Variants in DCLK1 observed in about 807,000 individuals in gnomAD.
DCLK1 encodes serine/threonine-protein kinase DCLK1.
DCLK1 carries 16 observed loss-of-function variants against 86.2 expected under a neutral mutation model. The observed-to-expected ratio is 0.19, with a 90% confidence interval of 0.13 to 0.28. DCLK1 has a LOEUF of 0.28. DCLK1 is among the 10% of genes least tolerant of loss of function. The pLI, the probability that DCLK1 is intolerant of heterozygous loss-of-function variation, is 1.00. For synonymous variants in DCLK1, 369 were observed against 370.5 expected (o/e 1.00, Z 0.05); for missense variants, 590 against 940.2 (o/e 0.63, Z 4.87).
Position 35,958,111 on chromosome 13 carries a change from T to TCAC in DCLK1, c.724-10657_724-10655dup, listed in dbSNP as rs1239958362. On this transcript the variant is annotated intron_variant, in intron 3 of 16. Coordinates refer to ENST00000360631, the MANE Select transcript of DCLK1 (RefSeq NM_001330071.2). ...ACCATCACCACCGCTATAACCACCA[T>TCAC]CACCACCACCACTACCACTACTATA... is the stretch of plus-strand genomic sequence containing the variant. Among the ~76,000 whole-genome samples, 8 of 74,788 alleles carry TCAC rather than the reference T, an allele frequency of 1.1e-4. 1 individual carries two copies. Among genetic ancestry groups the TCAC allele is most frequent in the Non-Finnish European group, 1.6e-4 (6 of 36,814 alleles). 49.1% of individuals were successfully genotyped at this position (74,788 alleles called of 152,430 possible).
Position 35,945,393 on chromosome 13 carries a change from A to G in DCLK1, c.823+1965T>C, listed in dbSNP as rs541282805. 3.2e-4 allele frequency among the ~76,000 whole-genome samples: 48 copies of G among 152,220 alleles called. No individual in the cohort carries two copies. The East Asian group carries it at 7.8e-3, about 25-fold the overall frequency. On this transcript the variant is annotated intron_variant, in intron 4 of 16. Transcript: ENST00000360631. ...ATTGGCTGTTGCGGAGGGGAAGCCC[A>G]GCTGTGTGAGCTCACCCAGCCTGGC...
chr13:35,792,963 T>C (rs140506455), intron 16 of DCLK1, among the ~76,000 whole-genome samples: 15 of 152,300 alleles, frequency 9.8e-5, no homozygotes, highest in African/African-American at 3.1e-4. Context: ...AGATCTATAG[T>C]GTTCCAAGCT....
chr13:36,106,829 G>C (rs1367343413), intron 3 of DCLK1, among the ~76,000 whole-genome samples: 1 of 152,128 alleles, frequency 6.6e-6, no homozygotes, highest in East Asian at 1.9e-4. Flanking sequence ...GCCAAGGTCA[G>C]ATGCAATAAT....
At chr13:35,857,190 G>C (rs1871110197) in intron 5 of DCLK1, among the ~76,000 whole-genome samples, 1 of 152,160 alleles carries the variant, frequency 6.6e-6, no homozygotes, top group Admixed American at 6.5e-5. Flanking sequence ...GCTCATTTAA[G>C]CAAAGCTATC....
chr13:35,932,639 C>A (rs1257170811), intron 4 of DCLK1, among the ~76,000 whole-genome samples: 1 of 152,112 alleles, frequency 6.6e-6, no homozygotes, highest in African/African-American at 2.4e-5. Flanking sequence ...AAATCCCCAA[C>A]AAAAGCATCA....
intron 2 of DCLK1, among the ~76,000 whole-genome samples, chr13:36,121,418 A>C (rs2138210334): frequency 6.6e-6 from 1 of 152,346 alleles, no homozygotes; most frequent in South Asian, 2.1e-4. Flanking sequence ...TGCAGTTCTG[A>C]GTAGTGTGAT....
chr13:36,116,217 T>C (rs1038468706), intron 2 of DCLK1, among the ~76,000 whole-genome samples: 11 of 152,116 alleles, frequency 7.2e-5, no homozygotes, highest in African/African-American at 2.4e-4. Context: ...CCCAAAGTGC[T>C]GGGATTATAG....
At position 36,112,165 on chromosome 13, in the gene DCLK1, T is replaced by G. The variant is rs1885642596; in HGVS notation, c.427A>C (p.Thr143Pro). ...GACCAGTTGGGGTTCACATTCTTGG[T>G]GTACTCCAGTTTCTTGAAGGGCTCT... is the stretch of plus-strand genomic sequence containing the variant. ...SIEPFKKLEY[T>P]KNVNPNWSVN... Residue 143 changes from threonine (T) to proline (P), a missense_variant, in exon 3 of 17, where the codon ACC becomes CCC. Coordinates refer to ENST00000360631, the MANE Select transcript of DCLK1 (RefSeq NM_001330071.2). The G allele has an allele frequency of 6.2e-7, 1 of 1,607,736 alleles. No homozygotes were observed. Among genetic ancestry groups the G allele is most frequent in the Non-Finnish European group, 8.5e-7 (1 of 1,174,878 alleles).
At chr13:35,833,928 C>T (rs1241805827) in intron 8 of DCLK1, among the ~76,000 whole-genome samples, 1 of 152,154 alleles carries the variant, frequency 6.6e-6, no homozygotes, top group Non-Finnish European at 1.5e-5. Context: ...AAGATGTGAA[C>T]TCACGCAAAA....
intron 5 of DCLK1, chr13:35,869,125 T>C (rs1271630001): frequency 2.0e-6 from 1 of 511,786 alleles, no homozygotes. Flanking sequence ...AAGTGAGAAA[T>C]GTTTTTTAGT....
chr13:35,871,115 C>T, intron 5 of DCLK1, 109 bp downstream of exon 5: 1 of 858,276 alleles, frequency 1.2e-6, no homozygotes, highest in Non-Finnish European at 1.8e-6. Context: ...AAATTATAAA[C>T]CGGAACCTAC....
chr13:35,946,807 T>G (rs777001607), intron 4 of DCLK1, among the ~76,000 whole-genome samples: 1 of 152,230 alleles, frequency 6.6e-6, no homozygotes, highest in East Asian at 1.9e-4. Context: ...TTTCCCTCTT[T>G]ATAACCATCC....
intron 3 of DCLK1, among the ~76,000 whole-genome samples, chr13:36,024,761 A>G (rs1473836157): frequency 6.6e-6 from 1 of 152,140 alleles, no homozygotes; most frequent in African/African-American, 2.4e-5. Context: ...TGGAAATATA[A>G]GGAACTCAGA....
chr13:36,082,562 A>G (rs865890673), intron 3 of DCLK1, among the ~76,000 whole-genome samples: 9 of 152,256 alleles, frequency 5.9e-5, no homozygotes, highest in Middle Eastern at 6.8e-3. Flanking sequence ...AATTCTCAAC[A>G]AAGAGTTGGA....
intron 2 of DCLK1, among the ~76,000 whole-genome samples, chr13:36,124,587 G>A (rs2138217501): frequency 6.6e-6 from 1 of 152,274 alleles, no homozygotes; most frequent in South Asian, 2.1e-4. Context: ...TCAGTGTGCG[G>A]TCAGGGGAGA....
intron 16 of DCLK1, chr13:35,788,259 T>C: frequency 1.9e-6 from 3 of 1,613,994 alleles, no homozygotes; most frequent in Non-Finnish European, 2.5e-6. Flanking sequence ...AAGACCCTGA[T>C]CTCTTGATGG....
At chr13:35,810,750 G>A in intron 12 of DCLK1, 85 bp downstream of exon 12, 17 of 1,509,794 alleles carry the variant, frequency 1.1e-5, no homozygotes, top group Non-Finnish European at 1.5e-5. Flanking sequence ...TGTCTGGATA[G>A]GGCACAGCAG....
chr13:36,075,317 T>C (rs764650344), intron 3 of DCLK1, among the ~76,000 whole-genome samples: 1 of 152,222 alleles, frequency 6.6e-6, no homozygotes, highest in Non-Finnish European at 1.5e-5. Context: ...TTCTGATACA[T>C]AATTACTATG....
At chr13:35,842,371 G>A (rs747246345) in intron 6 of DCLK1, among the ~76,000 whole-genome samples, 31 of 151,528 alleles carry the variant, frequency 2.0e-4, no homozygotes, top group Admixed American at 5.9e-4. Context: ...TCACATGACA[G>A]TGCTTTTAGG....
Sources: allele counts gnomAD v4.1 joint callset (sites outside exome capture counted in the v4.1 genomes callset), GRCh38; gene constraint gnomAD v4.1.1; transcripts MANE v1.5; gene names NCBI Gene and HGNC (gene_info 2026-07-23, HGNC 2026-07-21).